Variants in STYXL2 observed in about 807,000 individuals in gnomAD.
STYXL2 encodes serine/threonine/tyrosine-interacting-like protein 2.
A neutral mutation model predicts 52.4 loss-of-function variants in STYXL2; 44 were observed. The observed-to-expected ratio is 0.84, with a 90% CI of 0.66 to 1.08. The LOEUF is 1.08. Ranked by LOEUF, STYXL2 falls within the 50% of genes least tolerant of loss-of-function variation. STYXL2 has a pLI of 0.00. For synonymous variants in STYXL2, 604 were observed against 586.9 expected (o/e 1.03, Z -0.42); for missense variants, 1,604 against 1,471.7 (o/e 1.09, Z -1.47).
intron 5 of STYXL2, among the ~76,000 whole-genome samples, chr1:167,120,814 T>A (rs1667836158): frequency 8.7e-6 from 1 of 115,078 alleles, no homozygotes; most frequent in Admixed American, 8.8e-5. Flanking sequence ...TATATGTATG[T>A]GTGCGTGTAA....
At chr1:167,103,501 C>T (rs1667443194) in intron 2 of STYXL2, among the ~76,000 whole-genome samples, 1 of 152,144 alleles carries the variant, frequency 6.6e-6, no homozygotes, top group Admixed American at 6.5e-5. Flanking sequence ...TTTCAAGTCT[C>T]ATCTGTAAAT....
At chr1:167,109,472 G>A (rs1412536893) in intron 2 of STYXL2, among the ~76,000 whole-genome samples, 1 of 152,066 alleles carries the variant, frequency 6.6e-6, no homozygotes, top group East Asian at 1.9e-4. Flanking sequence ...ATCCCTCTGG[G>A]AACATAACTC....
chr1:167,126,593 G>A lies in STYXL2; in HGVS notation c.1462G>A (p.Glu488Lys), dbSNP rs2102249703. 6.2e-7 allele frequency: 1 copy of A among 1,614,076 alleles called. No individual in the cohort carries two copies. Among genetic ancestry groups the A allele is most frequent in the Non-Finnish European group, 8.5e-7 (1 of 1,180,012 alleles). ...DAWNERLLEI[E>K]KEASRRYHAK... ...ATGGAACGAGAGGCTGCTGGAGATT[G>A]AGAAGGAGGCTTCCCGGAGGTACCA... The change falls in exon 6 of 6, where the codon GAG becomes AAG. Residue 488 changes from glutamate (E) to lysine (K), a missense_variant. Glu to Lys is a moderately conservative substitution (Grantham distance 56). Transcript: ENST00000361200.
intron 3 of STYXL2, among the ~76,000 whole-genome samples, chr1:167,114,840 C>T (rs997106670): frequency 6.6e-6 from 1 of 151,774 alleles, no homozygotes; most frequent in African/African-American, 2.4e-5. Flanking sequence ...TGCCCACTAA[C>T]CCAGGCAGTG....
intron 2 of STYXL2, among the ~76,000 whole-genome samples, chr1:167,103,662 G>A (rs545177864): frequency 4.6e-5 from 7 of 152,180 alleles, no homozygotes; most frequent in South Asian, 2.1e-4. Flanking sequence ...GAAAATGGGC[G>A]GTTAGAGATT....
chr1:167,119,706 A>G (rs1440885364), intron 5 of STYXL2, among the ~76,000 whole-genome samples: 4 of 152,342 alleles, frequency 2.6e-5, no homozygotes, highest in Middle Eastern at 3.4e-3. Flanking sequence ...CAACGCTTCC[A>G]GCCTTTGACT....
chr1:167,112,066 C>T (rs576749217), intron 2 of STYXL2, among the ~76,000 whole-genome samples: 1 of 152,250 alleles, frequency 6.6e-6, no homozygotes, highest in East Asian at 1.9e-4. Context: ...CAGACCCGCC[C>T]ATGCAGCCTC....
intron 2 of STYXL2, 31 bp from the exon 3 acceptor site, chr1:167,113,679 C>G: frequency 6.6e-7 from 1 of 1,522,242 alleles, no homozygotes; most frequent in Non-Finnish European, 9.1e-7. Context: ...ATGCTACAGG[C>G]TTATCTCACG....
rs765315444 is a variant in STYXL2, at chr1:167,126,571, G to A, written c.1440G>A (p.Trp480Ter). 41 of 1,613,932 alleles carry A rather than the reference G, an allele frequency of 2.5e-5. No homozygotes were observed. Among genetic ancestry groups the A allele is most frequent in the Non-Finnish European group, 3.3e-5 (39 of 1,180,016 alleles). The stretch of plus-strand genomic sequence containing the variant: ...CCTCGGAGAGCACCTGGGACGCATG[G>A]AACGAGAGGCTGCTGGAGATTGAGA... ...SMSSESTWDA[W>*]NERLLEIEKE... The change falls in exon 6 of 6, where the codon TGG becomes TGA. Residue 480 changes from tryptophan to a stop codon, truncating the protein, a stop_gained. Transcript: ENST00000361200. LOFTEE classifies it low-confidence loss of function (END_TRUNC).
intron 2 of STYXL2, among the ~76,000 whole-genome samples, chr1:167,096,778 A>G (rs1186156180): frequency 6.6e-6 from 1 of 152,190 alleles, no homozygotes. Context: ...CTCAGCCACA[A>G]TGTACTCCTC....
intron 2 of STYXL2, among the ~76,000 whole-genome samples, chr1:167,097,988 C>T (rs1667325557): frequency 6.7e-6 from 1 of 149,430 alleles, no homozygotes; most frequent in Non-Finnish European, 1.5e-5. Context: ...TATAGTGAGG[C>T]CCTGTCTCTA....
At chr1:167,103,712 A>C (rs1432190099) in intron 2 of STYXL2, among the ~76,000 whole-genome samples, 1 of 152,214 alleles carries the variant, frequency 6.6e-6, no homozygotes, top group Non-Finnish European at 1.5e-5. Flanking sequence ...TAAGTGATTC[A>C]TGAGTTGACA....
rs201251775 is a variant in STYXL2 at position 167,128,026 on chromosome 1, G to A, written c.2895G>A (p.Ser965=). 2.8e-5 allele frequency: 45 copies of A among 1,614,048 alleles called. No homozygotes were observed. The East Asian group carries it at 6.5e-4, about 23-fold the overall frequency. The change falls in exon 6 of 6, where the codon TCG becomes TCA. Residue 965 remains serine (S), a synonymous_variant. Transcript: ENST00000361200. ...GTTCCAGAGGGAAGTACACCAGATCGTCCCTGCTCAGGGAGACAGAGTCTA... is the reference window on the plus strand; with the variant it reads ...GTTCCAGAGGGAAGTACACCAGATCATCCCTGCTCAGGGAGACAGAGTCTA... ...SGSSRGKYTR[S]SLLRETESKS...
chr1:167,110,458 T>G (rs761340227), intron 2 of STYXL2, among the ~76,000 whole-genome samples: 2 of 151,950 alleles, frequency 1.3e-5, no homozygotes, highest in Non-Finnish European at 2.9e-5. Flanking sequence ...GAAAATCAAC[T>G]TAAAGAAATT....
chr1:167,101,019 T>A (rs886732854), intron 2 of STYXL2, among the ~76,000 whole-genome samples: 8 of 152,212 alleles, frequency 5.3e-5, no homozygotes, highest in Admixed American at 3.3e-4. Flanking sequence ...CAGTGCTTTT[T>A]AAAAAATGAA....
Position 167,126,352 on chromosome 1 carries a change from G to C in STYXL2, c.1221G>C (p.Gly407=). Residue 407 remains glycine (G), a synonymous_variant, in exon 6 of 6, where the codon GGG becomes GGC. Coordinates refer to ENST00000361200, the MANE Select transcript of STYXL2 (RefSeq NM_001080426.3). ...QSRNERYQAE[G]YRRWGREEEK... is the part of the protein sequence containing the mutation. ...GAAACGAGAGGTACCAAGCAGAAGG[G>C]TACCGGAGGTGGGGAAGGGAGGAGG... 6.5e-7 allele frequency: 1 copy of C among 1,540,680 alleles called. No homozygotes were observed. Among genetic ancestry groups the C allele is most frequent in the Non-Finnish European group, 8.8e-7 (1 of 1,141,868 alleles).
chr1:167,111,370 T>G lies in STYXL2; in HGVS notation c.111-2340T>G, dbSNP rs538717614. Among the ~76,000 whole-genome samples the G allele has an allele frequency of 6.6e-5, 10 of 151,126 alleles. No homozygotes were observed. The South Asian group carries it at 2.1e-3, about 32-fold the overall frequency. On this transcript the variant is annotated intron_variant, in intron 2 of 5. Coordinates refer to ENST00000361200, the MANE Select transcript of STYXL2 (RefSeq NM_001080426.3). Reference sequence around the variant, plus strand: ...AAAGAAGTCATTATGTGAAAAATACTTGCACGCATATGTTTATAGCAGCAC... The same window carrying G: ...AAAGAAGTCATTATGTGAAAAATACGTGCACGCATATGTTTATAGCAGCAC...
chr1:167,121,381 CG>C (rs1476399977), intron 5 of STYXL2, among the ~76,000 whole-genome samples: 1 of 152,224 alleles, frequency 6.6e-6, no homozygotes, highest in African/African-American at 2.4e-5. Context: ...CGGTCGCCTG[CG>C]GCGTAAGGAG....
chr1:167,126,956 G>T lies in STYXL2; in HGVS notation c.1825G>T (p.Val609Leu). 1.9e-6 allele frequency: 3 copies of T among 1,610,922 alleles called. No homozygotes were observed. The highest frequency in any genetic ancestry group is 2.5e-6 in the Non-Finnish European group (3 of 1,178,520). ...KVGSENKEEV[V>L]ELSKGEDSAL... ...GGGCAGTGAGAACAAGGAGGAGGTG[G>T]TGGAGCTCAGCAAGGGGGAGGACTC... The change falls in exon 6 of 6, where the codon GTG becomes TTG. Residue 609 changes from valine to leucine, a missense_variant. Physicochemically the swap from Val to Leu is conservative, Grantham distance 32. Coordinates refer to ENST00000361200, the MANE Select transcript of STYXL2 (RefSeq NM_001080426.3).
Sources: allele counts gnomAD v4.1 joint callset (sites outside exome capture counted in the v4.1 genomes callset), GRCh38; gene constraint gnomAD v4.1.1; transcripts MANE v1.5; gene names NCBI Gene and HGNC (gene_info 2026-07-23, HGNC 2026-07-21).